Variants in DAB1 observed in about 807,000 individuals in gnomAD.
DAB1 encodes the protein disabled homolog 1.
Under a neutral mutation model 64.6 loss-of-function variants are expected in DAB1, and 15 were observed. The ratio of observed to expected loss-of-function variants is 0.23; its 90% CI spans 0.16 to 0.36. The LOEUF is 0.36. Ranked by LOEUF, DAB1 falls within the 10% of genes least tolerant of loss-of-function variation. The probability of loss-of-function intolerance (pLI) is 1.00; values close to 1 mark genes in which losing one functional copy is unlikely to be tolerated. For missense variants in DAB1, 596 were observed against 706.7 expected (o/e 0.84, Z 1.78); for synonymous variants, 235 against 251.9 (o/e 0.93, Z 0.64).
At chr1:57,062,756 G>C (rs1650526370) in intron 9 of DAB1, 128 bp downstream of exon 9, 1 of 757,958 alleles carries the variant, frequency 1.3e-6, no homozygotes, top group East Asian at 2.7e-5. Flanking sequence ...CCAGCATGCA[G>C]TCCCCAGCAG....
intron 5 of DAB1, among the ~76,000 whole-genome samples, chr1:57,965,967 T>G (rs1645654126): frequency 6.6e-6 from 1 of 152,186 alleles, no homozygotes; most frequent in Non-Finnish European, 1.5e-5. Flanking sequence ...TGATAAATTC[T>G]TATACTAACT....
At position 57,581,243 on chromosome 1, in the gene DAB1, CATT is replaced by C. The variant is rs578217407; in HGVS notation, n.625+68346_625+68348del. Among the ~76,000 whole-genome samples, 38 of 152,224 alleles carry C rather than the reference CATT, an allele frequency of 2.5e-4. No individual in the cohort carries two copies. In the East Asian group the frequency reaches 7.3e-3, roughly 29 times the overall value. ...GGATTGGGAAAGGGAATAAGAAAGACATTAATAGAATGACATATTTTTAGTGTA... is the reference window on the plus strand; with the variant it reads ...GGATTGGGAAAGGGAATAAGAAAGACAATAGAATGACATATTTTTAGTGTA... On this transcript the variant is annotated intron_variant and non_coding_transcript_variant, in intron 7 of 20. Transcript: ENST00000485760.
At chr1:58,035,863 G>A (rs191906084) in intron 5 of DAB1, among the ~76,000 whole-genome samples, 23 of 152,316 alleles carry the variant, frequency 1.5e-4, no homozygotes, top group African/African-American at 5.3e-4. Context: ...GGAAAAACCC[G>A]AGATAGGGCA....
At chr1:58,387,152 TTACTG>T (rs541725390) in intron 3 of DAB1, among the ~76,000 whole-genome samples, 148 of 152,350 alleles carry the variant, frequency 9.7e-4, no homozygotes, top group Admixed American at 6.9e-3. Context: ...ATGAAACTCA[TTACTG>T]TAAAGTCCAG....
chr1:57,272,101 C>T (rs931252384), intron 2 of DAB1, among the ~76,000 whole-genome samples: 5 of 152,160 alleles, frequency 3.3e-5, no homozygotes, highest in African/African-American at 9.7e-5. Flanking sequence ...GAGATGTTGG[C>T]GTTTGATTTT....
chr1:57,604,739 A>G (rs1196589824), intron 7 of DAB1, among the ~76,000 whole-genome samples: 2 of 152,200 alleles, frequency 1.3e-5, no homozygotes, highest in Non-Finnish European at 1.5e-5. Context: ...ACTCCTCCGC[A>G]TGGAGGAAAT....
At chr1:58,300,645 AGAGGAAGGAAGGAAGGAAGGAAGGAAGG>A (rs1662140142) in intron 4 of DAB1, among the ~76,000 whole-genome samples, 3 of 55,806 alleles carry the variant, frequency 5.4e-5, no homozygotes, top group African/African-American at 2.1e-4. Context: ...AGAGAGAGAG[AGAGGAAGGAAGGAAGGAAGGAAGGAAGG>A]AAGGAAGGAA....
intron 4 of DAB1, among the ~76,000 whole-genome samples, chr1:57,109,561 A>G (rs1655471547): frequency 6.9e-6 from 1 of 143,930 alleles, no homozygotes; most frequent in Non-Finnish European, 1.5e-5. Context: ...ATGGTGTAGT[A>G]GCTTTGCTTT....
rs543034995 is a variant in DAB1 at position 57,347,300 on chromosome 1, T to C, written c.-136-56134A>G. The stretch of plus-strand genomic sequence containing the variant: ...TCCTCACTTTATGCAGTAAGAATAA[T>C]AATACTTGCCCTGCCTACCTTGCAA... On this transcript the variant is annotated intron_variant, in intron 1 of 14. Coordinates refer to ENST00000371236, the MANE Select transcript of DAB1 (RefSeq NM_001365792.1). 3.3e-5 allele frequency among the ~76,000 whole-genome samples: 5 copies of C among 152,312 alleles called. No individual in the cohort carries two copies. In the East Asian group the frequency reaches 7.7e-4, roughly 24 times the overall value.
At chr1:57,566,925 T>A (rs1415580222) in intron 7 of DAB1, among the ~76,000 whole-genome samples, 1 of 152,190 alleles carries the variant, frequency 6.6e-6, no homozygotes, top group African/African-American at 2.4e-5. Flanking sequence ...AACTCATTTT[T>A]TGAGGCCAGC....
intron 7 of DAB1, among the ~76,000 whole-genome samples, chr1:57,610,305 G>A (rs530413306): frequency 3.9e-5 from 6 of 152,296 alleles, no homozygotes; most frequent in Admixed American, 3.9e-4. Context: ...AATAATCATT[G>A]ATTCTTGCTG....
At chr1:57,696,106 C>T (rs955181467) in intron 6 of DAB1, among the ~76,000 whole-genome samples, 3 of 152,098 alleles carry the variant, frequency 2.0e-5, no homozygotes, top group Admixed American at 6.5e-5. Flanking sequence ...CTTCTGTTCA[C>T]GTATTTCACA....
chr1:57,537,203 A>G (rs1294005547), intron 7 of DAB1, among the ~76,000 whole-genome samples: 2 of 152,228 alleles, frequency 1.3e-5, no homozygotes, highest in African/African-American at 4.8e-5. Flanking sequence ...GAGTCACATT[A>G]TATTTTTACT....
At chr1:57,844,152 G>A (rs952603968) in intron 1 of DAB1, among the ~76,000 whole-genome samples, 5 of 152,148 alleles carry the variant, frequency 3.3e-5, no homozygotes, top group African/African-American at 7.2e-5. Flanking sequence ...TGTAATTCCT[G>A]CAGGGAGGAT....
chr1:57,963,574 T>C (rs1182893126), intron 5 of DAB1, among the ~76,000 whole-genome samples: 1 of 152,226 alleles, frequency 6.6e-6, no homozygotes, highest in South Asian at 2.1e-4. Context: ...GATCATTAAA[T>C]GATTTCTTGT....
At chr1:58,425,583 T>G (rs1644814883) in intron 3 of DAB1, among the ~76,000 whole-genome samples, 1 of 151,900 alleles carries the variant, frequency 6.6e-6, no homozygotes, top group Non-Finnish European at 1.5e-5. Context: ...AAATATAGGA[T>G]GAAATACAGG....
At chr1:57,280,308 A>T (rs1487393737) in intron 2 of DAB1, among the ~76,000 whole-genome samples, 1 of 152,144 alleles carries the variant, frequency 6.6e-6, no homozygotes, top group Non-Finnish European at 1.5e-5. Context: ...CTTTTGATGG[A>T]CTGCAGAAAC....
intron 5 of DAB1, among the ~76,000 whole-genome samples, chr1:58,088,125 C>A (rs143882935): frequency 1.3e-5 from 2 of 152,248 alleles, no homozygotes; most frequent in South Asian, 4.1e-4. Flanking sequence ...TCTGCCCACA[C>A]TTAAACCAGA....
At chr1:57,648,065 T>C (rs2101651350) in intron 7 of DAB1, among the ~76,000 whole-genome samples, 1 of 152,334 alleles carries the variant, frequency 6.6e-6, no homozygotes, top group South Asian at 2.1e-4. Context: ...TGCTCCCTAG[T>C]CCTCCTTAGG....
Sources: gnomAD v4.1 joint callset for allele counts (sites outside exome capture counted in the v4.1 genomes callset) on GRCh38, gnomAD v4.1.1 for gene constraint, MANE v1.5 for transcripts, NCBI Gene and HGNC (gene_info 2026-07-23, HGNC 2026-07-21) for gene names.